The following PLPP1 variants were observed in gnomAD, a reference collection of about 807,000 sequenced individuals.
PLPP1 encodes phospholipid phosphatase 1.
In PLPP1, 24 loss-of-function variants were observed where a neutral mutation model predicts 31.2. The ratio of observed to expected loss-of-function variants is 0.77; its 90% CI spans 0.56 to 1.08. The LOEUF (loss-of-function observed/expected upper bound fraction) is 1.08. Among genes scored for constraint, PLPP1 ranks in the 50% least tolerant of loss-of-function variants. PLPP1 has a pLI of 0.00. For synonymous variants in PLPP1, 146 were observed against 126.3 expected, an observed-to-expected ratio of 1.16 and a Z score of -1.05; for missense variants, 319 against 342.7, an observed-to-expected ratio of 0.93 and a Z score of 0.55.
intron 1 of PLPP1, among the ~76,000 whole-genome samples, chr5:55,496,837 T>C (rs1753012919): frequency 6.6e-6 from 1 of 152,222 alleles, no homozygotes; most frequent in Admixed American, 6.5e-5. Context: ...ACCTCTTCCA[T>C]TTTATTAAAT....
intron 3 of PLPP1, among the ~76,000 whole-genome samples, chr5:55,448,325 A>G (rs1351732749): frequency 2.0e-5 from 3 of 152,212 alleles, no homozygotes; most frequent in Non-Finnish European, 2.9e-5. Flanking sequence ...GGAAATATCA[A>G]TCAACATAGG....
intron 3 of PLPP1, among the ~76,000 whole-genome samples, chr5:55,445,992 T>G (rs1158340987): frequency 6.6e-6 from 1 of 152,210 alleles, no homozygotes; most frequent in African/African-American, 2.4e-5. Context: ...CAGTTCTTTC[T>G]GGGTAATCTG....
intron 4 of PLPP1, among the ~76,000 whole-genome samples, chr5:55,428,700 C>CAT (rs1561218940): frequency 1.3e-5 from 2 of 152,110 alleles, no homozygotes; most frequent in East Asian, 1.9e-4. Flanking sequence ...ACAGGGGACA[C>CAT]AGCTCATGCT....
intron 1 of PLPP1, among the ~76,000 whole-genome samples, chr5:55,501,637 T>G (rs1579968895): frequency 6.6e-6 from 1 of 152,266 alleles, no homozygotes; most frequent in East Asian, 1.9e-4. Context: ...CCTGAGGAGC[T>G]GGGATTACAA....
chr5:55,525,318 T>A (rs1390678545), intron 1 of PLPP1, among the ~76,000 whole-genome samples: 1 of 152,194 alleles, frequency 6.6e-6, no homozygotes, highest in African/African-American at 2.4e-5. Context: ...GGTACTTTCA[T>A]TATATAGCTA....
At chr5:55,492,388 A>G (rs1046409957) in intron 1 of PLPP1, among the ~76,000 whole-genome samples, 3 of 152,180 alleles carry the variant, frequency 2.0e-5, no homozygotes, top group Non-Finnish European at 4.4e-5. Flanking sequence ...TATTGCATGT[A>G]AAGTTAAGAA....
intron 1 of PLPP1, among the ~76,000 whole-genome samples, chr5:55,486,516 G>GCGGA (rs989973141): frequency 4.6e-5 from 7 of 151,992 alleles, no homozygotes; most frequent in African/African-American, 1.7e-4. Flanking sequence ...AACCCAGGAG[G>GCGGA]CGGAGGTTGC....
At chr5:55,450,459 A>C (rs1248354993) in intron 3 of PLPP1, among the ~76,000 whole-genome samples, 6 of 152,228 alleles carry the variant, frequency 3.9e-5, no homozygotes, top group African/African-American at 1.4e-4. Flanking sequence ...GGTTGCTGAG[A>C]ATCTTAAGAT....
intron 1 of PLPP1, among the ~76,000 whole-genome samples, chr5:55,528,617 AAGTT>A (rs1740555029): frequency 6.6e-6 from 1 of 152,212 alleles, no homozygotes; most frequent in Non-Finnish European, 1.5e-5. Context: ...AAACACTAAT[AAGTT>A]GTATTCAGGA....
chr5:55,476,907 C>T (rs1170048891), intron 1 of PLPP1, among the ~76,000 whole-genome samples: 2 of 152,082 alleles, frequency 1.3e-5, no homozygotes, highest in African/African-American at 4.8e-5. Context: ...TTCATTTAGA[C>T]ATTGAATACA....
At chr5:55,510,863 G>T (rs1753390012) in intron 1 of PLPP1, among the ~76,000 whole-genome samples, 1 of 152,112 alleles carries the variant, frequency 6.6e-6, no homozygotes, top group African/African-American at 2.4e-5. Context: ...ATAATACTGT[G>T]TACATACCTC....
chr5:55,485,143 A>G (rs1446170795), intron 1 of PLPP1: 1 of 152,216 alleles, frequency 6.6e-6, no homozygotes, highest in Non-Finnish European at 1.5e-5. Flanking sequence ...ACAGAGTCAC[A>G]GGAACCCCCA....
At chr5:55,533,943 G>GA (rs1391834513) in intron 1 of PLPP1, among the ~76,000 whole-genome samples, 1 of 152,102 alleles carries the variant, frequency 6.6e-6, no homozygotes, top group African/African-American at 2.4e-5. Flanking sequence ...ACAAGAGATG[G>GA]AAAGCTACAC....
chr5:55,466,381 T>A (rs1010811552), intron 3 of PLPP1, among the ~76,000 whole-genome samples: 21 of 152,050 alleles, frequency 1.4e-4, no homozygotes, highest in Non-Finnish European at 2.4e-4. Flanking sequence ...TTAAATAAGA[T>A]TTTTTTCATC....
At chr5:55,530,453 C>A in intron 1 of PLPP1, 1 of 1,257,998 alleles carries the variant, frequency 7.9e-7, no homozygotes, top group South Asian at 1.2e-5. Flanking sequence ...AACTTGTATT[C>A]TCTTGGTAAG....
At chr5:55,500,148 C>T (rs190377466) in intron 1 of PLPP1, among the ~76,000 whole-genome samples, 63 of 148,156 alleles carry the variant, frequency 4.3e-4, no homozygotes, top group African/African-American at 1.4e-3. Flanking sequence ...GGCGCAATCT[C>T]GGCTCACTAC....
At chr5:55,429,315 A>G (rs1456835123) in intron 4 of PLPP1, among the ~76,000 whole-genome samples, 2 of 152,162 alleles carry the variant, frequency 1.3e-5, no homozygotes, top group Admixed American at 6.5e-5. Flanking sequence ...AAACAGTAGT[A>G]GATAAATCAC....
intron 2 of PLPP1, among the ~76,000 whole-genome samples, chr5:55,472,228 T>TA (rs1391200743): frequency 2.0e-5 from 3 of 152,248 alleles, no homozygotes; most frequent in Non-Finnish European, 4.4e-5. Flanking sequence ...CTGTTCTTTT[T>TA]AAAGCAGTCT....
chr5:55,495,698 AAT>A (rs1176759108), intron 1 of PLPP1, among the ~76,000 whole-genome samples: 1 of 152,014 alleles, frequency 6.6e-6, no homozygotes, highest in Non-Finnish European at 1.5e-5. Context: ...CTTCAAGTTA[AAT>A]ATGTCAAAAT....
Sources: gnomAD v4.1 joint callset for allele counts (sites outside exome capture counted in the v4.1 genomes callset) on GRCh38, gnomAD v4.1.1 for gene constraint, MANE v1.5 for transcripts, NCBI Gene and HGNC (gene_info 2026-07-23, HGNC 2026-07-21) for gene names.